Variants in NEGR1 observed in about 807,000 individuals in gnomAD.
NEGR1 encodes neuronal growth regulator 1.
A neutral mutation model predicts 40.9 loss-of-function variants in NEGR1; 10 were observed. The observed-to-expected ratio is 0.24, with a 90% confidence interval of 0.15 to 0.42. The LOEUF is 0.42. Among genes scored for constraint, NEGR1 ranks in the 10% least tolerant of loss-of-function variants. The pLI is 1.00. For synonymous variants in NEGR1, 185 were observed against 166.8 expected (o/e 1.11, Z -0.84); for missense variants, 352 against 438.9 (o/e 0.80, Z 1.77).
intron 2 of NEGR1, among the ~76,000 whole-genome samples, chr1:71,811,371 C>A (rs936437236): frequency 1.3e-5 from 2 of 151,960 alleles, no homozygotes; most frequent in African/African-American, 4.8e-5. Context: ...TATCTGTTTG[C>A]CCCTCTGACT....
intron 6 of NEGR1, among the ~76,000 whole-genome samples, chr1:71,444,202 A>G (rs1646565821): frequency 6.6e-6 from 1 of 152,144 alleles, no homozygotes; most frequent in Non-Finnish European, 1.5e-5. Context: ...ACATGTTTTG[A>G]AGATATGGAG....
chr1:71,669,843 GATTTCACCAGGTTGGCC>G (rs1344710167), intron 4 of NEGR1, among the ~76,000 whole-genome samples: 1 of 152,050 alleles, frequency 6.6e-6, no homozygotes, highest in East Asian at 1.9e-4. Context: ...TAGAGATAGG[GATTTCACCAGGTTGGCC>G]AGGATGGTCT....
chr1:71,978,714 C>A (rs906881893), intron 1 of NEGR1, among the ~76,000 whole-genome samples: 7 of 151,834 alleles, frequency 4.6e-5, no homozygotes, highest in Non-Finnish European at 7.4e-5. Flanking sequence ...AACATGCTAG[C>A]AAGGTTGCAG....
At chr1:71,544,231 T>G (rs148167172) in intron 6 of NEGR1, among the ~76,000 whole-genome samples, 1,618 of 151,866 alleles carry the variant, frequency 0.011, 13 homozygotes, top group Non-Finnish European at 0.018. Flanking sequence ...ATATATTTTT[T>G]GCTAAATTAA....
intron 2 of NEGR1, among the ~76,000 whole-genome samples, chr1:71,860,149 A>G (rs956393275): frequency 2.0e-5 from 3 of 151,624 alleles, no homozygotes; most frequent in African/African-American, 4.8e-5. Context: ...GCTTTATGGT[A>G]TATGTGTTCT....
chr1:71,402,604 G>A lies in NEGR1; in HGVS notation c.*4842C>T, dbSNP rs1000291024. The stretch of plus-strand genomic sequence containing the variant: ...TGGAATTACTAGAAAAACAGTGAAT[G>A]TAAATGTGAAGGTGTATGATTCTTG... On this transcript the variant is annotated 3_prime_UTR_variant, in exon 7 of 7. Coordinates refer to ENST00000357731, the MANE Select transcript of NEGR1 (RefSeq NM_173808.3). The A allele has an allele frequency of 1.3e-5, 2 of 152,154 alleles. No homozygotes were observed. Among genetic ancestry groups the A allele is most frequent in the Non-Finnish European group, 2.9e-5 (2 of 67,994 alleles). The allele number at this position is 152,154 out of a possible 1,614,324, so 9.4% of individuals were successfully genotyped here.
intron 6 of NEGR1, among the ~76,000 whole-genome samples, chr1:71,445,784 T>G (rs1646577987): frequency 6.6e-6 from 1 of 152,150 alleles, no homozygotes; most frequent in Non-Finnish European, 1.5e-5. Flanking sequence ...AGGCCAGCGG[T>G]CAAGTACAAT....
intron 1 of NEGR1, among the ~76,000 whole-genome samples, chr1:72,265,305 C>A (rs1181855348): frequency 6.6e-6 from 1 of 150,754 alleles, no homozygotes; most frequent in African/African-American, 2.4e-5. Context: ...TTTTGTTAGC[C>A]TTTAATTTTA....
chr1:72,162,007 T>A (rs1651582719), intron 1 of NEGR1, among the ~76,000 whole-genome samples: 1 of 152,066 alleles, frequency 6.6e-6, no homozygotes, highest in Non-Finnish European at 1.5e-5. Context: ...TTATTCTAAA[T>A]TTTTCATTCA....
At chr1:71,767,425 AT>A (rs1656170661) in intron 3 of NEGR1, among the ~76,000 whole-genome samples, 1 of 152,134 alleles carries the variant, frequency 6.6e-6, no homozygotes, top group African/African-American at 2.4e-5. Context: ...GAGAATGATG[AT>A]TTAGGGTATT....
chr1:71,563,619 T>A (rs1351772778), intron 6 of NEGR1, among the ~76,000 whole-genome samples: 2 of 152,004 alleles, frequency 1.3e-5, no homozygotes, highest in Non-Finnish European at 2.9e-5. Flanking sequence ...GGTAAAGACA[T>A]GAGCCTGCAG....
chr1:71,826,678 A>T (rs1658637787), intron 2 of NEGR1, among the ~76,000 whole-genome samples: 1 of 151,926 alleles, frequency 6.6e-6, no homozygotes, highest in African/African-American at 2.4e-5. Flanking sequence ...TTTGAACCTC[A>T]CAACAAAGTT....
intron 2 of NEGR1, among the ~76,000 whole-genome samples, chr1:71,873,200 T>G (rs1278118905): frequency 6.6e-6 from 1 of 150,594 alleles, no homozygotes; most frequent in Non-Finnish European, 1.5e-5. Context: ...TTTATCTACA[T>G]GAATAACATT....
intron 1 of NEGR1, among the ~76,000 whole-genome samples, chr1:71,968,419 T>G (rs1470146561): frequency 6.6e-6 from 1 of 152,212 alleles, no homozygotes; most frequent in Non-Finnish European, 1.5e-5. Context: ...TATTTGTTAA[T>G]TTTTTCAAAA....
intron 1 of NEGR1, among the ~76,000 whole-genome samples, chr1:72,113,012 A>C (rs2821245): frequency 1.3e-5 from 2 of 151,680 alleles, no homozygotes. Context: ...TCCGACTTCC[A>C]CAATTTAGTG....
chr1:71,797,718 A>G (rs934155469), intron 2 of NEGR1, among the ~76,000 whole-genome samples: 6 of 152,098 alleles, frequency 3.9e-5, no homozygotes, highest in Non-Finnish European at 7.4e-5. Context: ...TAAGTTTCAG[A>G]ATGGCTCTGA....
At chr1:71,526,107 C>T (rs940684995) in intron 6 of NEGR1, among the ~76,000 whole-genome samples, 154 of 151,498 alleles carry the variant, frequency 1.0e-3, no homozygotes, top group African/African-American at 3.4e-3. Context: ...TAAATTGCAT[C>T]GTAGGTTTTC....
At chr1:71,895,841 A>G (rs1323274491) in intron 2 of NEGR1, among the ~76,000 whole-genome samples, 1 of 152,106 alleles carries the variant, frequency 6.6e-6, no homozygotes, top group Non-Finnish European at 1.5e-5. Context: ...TTATATAGTA[A>G]CTGTGTGTTT....
At chr1:71,895,032 C>A (rs1364983869) in intron 2 of NEGR1, among the ~76,000 whole-genome samples, 1 of 152,062 alleles carries the variant, frequency 6.6e-6, no homozygotes, top group Non-Finnish European at 1.5e-5. Flanking sequence ...GTAGGCATAC[C>A]CATCGCATGA....
Sources: gnomAD v4.1 joint callset for allele counts (sites outside exome capture counted in the v4.1 genomes callset) on GRCh38, gnomAD v4.1.1 for gene constraint, MANE v1.5 for transcripts, NCBI Gene and HGNC (gene_info 2026-07-23, HGNC 2026-07-21) for gene names.